The following HLTF variants were observed in gnomAD, a reference collection of about 807,000 sequenced individuals.
HLTF encodes DNA-dependent ATPase/E3 ubiquitin-protein ligase HLTF.
A neutral mutation model predicts 129.4 loss-of-function variants in HLTF; 127 were observed. The observed-to-expected ratio is 0.98, with a 90% CI of 0.85 to 1.14. The LOEUF is 1.14. Among genes scored for constraint, HLTF ranks in the 50% most tolerant of loss-of-function variants. The probability of loss-of-function intolerance (pLI) is 0.00; values close to 1 mark genes in which losing one functional copy is unlikely to be tolerated. For synonymous variants in HLTF, 332 were observed against 388.8 expected, an observed-to-expected ratio of 0.85 and a Z score of 1.72; for missense variants, 1,139 against 1,187.1, an observed-to-expected ratio of 0.96 and a Z score of 0.60.
Position 149,034,956 on chromosome 3 carries a change from G to C in HLTF, c.2839C>G (p.His947Asp). ...ACTTCTTGCTTCTGACCAAGTCTAT[G>C]GCATCTGTCAAAGCACTGATCTTCA... is the stretch of plus-strand genomic sequence containing the variant. ...AAEDQCFDRC[H>D]RLGQKQEVII... is the part of the protein sequence containing the mutation. Residue 947 changes from histidine (H) to aspartate (D), a missense_variant, in exon 24 of 25, where the codon CAT becomes GAT. Physicochemically the swap from His to Asp is moderately conservative, Grantham distance 81. Coordinates refer to ENST00000310053, the MANE Select transcript of HLTF (RefSeq NM_003071.4). 6.2e-7 allele frequency: 1 copy of C among 1,613,850 alleles called. No homozygotes were observed. Among genetic ancestry groups the C allele is most frequent in the Admixed American group, 1.7e-5 (1 of 60,024 alleles).
intron 23 of HLTF, among the ~76,000 whole-genome samples, chr3:149,036,297 G>GTTTTTTTGTTTT (rs1715618770): frequency 1.9e-5 from 2 of 107,982 alleles, no homozygotes; most frequent in Non-Finnish European, 1.8e-5. Flanking sequence ...AAACTATGAG[G>GTTTTTTTGTTTT]TTTTTTTTTT....
At position 149,042,182 on chromosome 3, in the gene HLTF, A is replaced by G. The variant is rs2107968426; in HGVS notation, c.2181T>C (p.Ser727=). Residue 727 remains serine, a synonymous_variant, in exon 19 of 25, where the codon TCT becomes TCC. Transcript: ENST00000310053. ...TTTACCTACCTGAGGGGCCATTGGAAGACACTGCATTTGTAAGAAGGTAAG... is the reference window on the plus strand; with the variant it reads ...TTTACCTACCTGAGGGGCCATTGGAGGACACTGCATTTGTAAGAAGGTAAG... ...CHTYLLTNAV[S]SNGPSGNDTP... is the part of the protein sequence containing the mutation. The G allele has an allele frequency of 6.2e-7, 1 of 1,613,260 alleles. No homozygotes were observed.
chr3:149,081,876 T>C (rs929766148), intron 2 of HLTF, among the ~76,000 whole-genome samples: 5 of 152,174 alleles, frequency 3.3e-5, no homozygotes, highest in Admixed American at 3.3e-4. Flanking sequence ...CCTTCAGGAA[T>C]AGGAGTTCTG....
intron 1 of HLTF, among the ~76,000 whole-genome samples, chr3:149,085,573 T>C (rs760289095): frequency 2.0e-5 from 3 of 152,158 alleles, no homozygotes; most frequent in Non-Finnish European, 4.4e-5. Context: ...AATACAACTA[T>C]TAATGTACCA....
intron 18 of HLTF, among the ~76,000 whole-genome samples, chr3:149,044,074 G>A (rs1409862482): frequency 6.6e-6 from 1 of 152,060 alleles, no homozygotes; most frequent in Admixed American, 6.6e-5. Context: ...GAGTTAATCT[G>A]TCCTGTCACT....
chr3:149,079,041 T>C (rs963192180), intron 2 of HLTF, among the ~76,000 whole-genome samples: 17 of 151,496 alleles, frequency 1.1e-4, no homozygotes. Flanking sequence ...ATAAGAAAAA[T>C]CAGCGAAGCT....
At chr3:149,040,244 CTG>C in intron 20 of HLTF, 88 bp from the exon 21 acceptor site, 1 of 1,100,814 alleles carries the variant, frequency 9.1e-7, no homozygotes, top group Non-Finnish European at 1.3e-6. Context: ...ATGCTAAAAT[CTG>C]TATCTCTCAT....
intron 2 of HLTF, among the ~76,000 whole-genome samples, chr3:149,082,293 C>A (rs1406701145): frequency 1.3e-5 from 2 of 152,058 alleles, no homozygotes; most frequent in Non-Finnish European, 2.9e-5. Context: ...CCCGTCTCTA[C>A]CAAAAATACA....
chr3:149,086,502 G>A lies in HLTF; in HGVS notation c.-166C>T, dbSNP rs1410882380. ...AGGTAAGTCGCCGCGAGTCCAGTCA[G>A]ACGTCGACGCCGTCTCCTTCTGCAA... On this transcript the variant is annotated 5_prime_UTR_variant, in exon 1 of 25. Coordinates refer to ENST00000310053, the MANE Select transcript of HLTF (RefSeq NM_003071.4). 2 of 682,964 alleles carry A rather than the reference G, an allele frequency of 2.9e-6. No homozygotes were observed. The highest frequency in any genetic ancestry group is 1.8e-5 in the African/African-American group (1 of 55,382). 42.3% of individuals were successfully genotyped at this position (682,964 alleles called of 1,614,324 possible). A position where few individuals can be genotyped will look rare whatever the true frequency, so the allele number is the denominator to read the frequency against.
At chr3:149,060,124 T>C (rs775130766) in intron 12 of HLTF, among the ~76,000 whole-genome samples, 1 of 152,174 alleles carries the variant, frequency 6.6e-6, no homozygotes, top group Non-Finnish European at 1.5e-5. Context: ...TGATTCCTAA[T>C]GATAAGGCTG....
In HLTF at chr3:149,068,227, A is replaced by T. The variant is rs1718566568; in HGVS notation, c.990+13T>A. 8.5e-7 allele frequency: 1 copy of T among 1,175,432 alleles called. No homozygotes were observed. The highest frequency in any genetic ancestry group is 1.2e-6 in the Non-Finnish European group (1 of 807,338). 72.8% of individuals were successfully genotyped at this position (1,175,432 alleles called of 1,614,324 possible). A position where few individuals can be genotyped will look rare whatever the true frequency, so the allele number is the denominator to read the frequency against. On this transcript the variant is annotated intron_variant, in intron 8 of 24. Transcript: ENST00000310053. Reference sequence around the variant, plus strand: ...TGGAGGTTTCACATAAAGCGCACTTACTACTACTTTACCTTCTTCAGTAGA... The same window carrying T: ...TGGAGGTTTCACATAAAGCGCACTTTCTACTACTTTACCTTCTTCAGTAGA...
At chr3:149,082,591 GT>G (rs1236608089) in intron 2 of HLTF, among the ~76,000 whole-genome samples, 1 of 152,174 alleles carries the variant, frequency 6.6e-6, no homozygotes, top group Non-Finnish European at 1.5e-5. Flanking sequence ...TGGGGTAGTA[GT>G]TATCAGGTAT....
intron 23 of HLTF, among the ~76,000 whole-genome samples, chr3:149,036,455 A>G (rs1371626466): frequency 6.6e-6 from 1 of 151,576 alleles, no homozygotes; most frequent in East Asian, 2.0e-4. Context: ...TGCCCCGCTA[A>G]TTTTTGTATT....
intron 2 of HLTF, among the ~76,000 whole-genome samples, chr3:149,077,733 G>A (rs906285272): frequency 2.6e-5 from 4 of 151,728 alleles, no homozygotes; most frequent in Admixed American, 2.0e-4. Context: ...GGCCCTAAAC[G>A]CTCACCTTTG....
intron 2 of HLTF, among the ~76,000 whole-genome samples, chr3:149,082,682 GA>G (rs960283839): frequency 6.1e-4 from 92 of 151,632 alleles, no homozygotes; most frequent in African/African-American, 1.5e-3. Flanking sequence ...CAATAAAGTA[GA>G]AAAAAAATTA....
At chr3:149,062,809 C>CA (rs994151655) in intron 10 of HLTF, among the ~76,000 whole-genome samples, 17 of 151,186 alleles carry the variant, frequency 1.1e-4, no homozygotes, top group Admixed American at 2.0e-4. Context: ...TCTAAAATCT[C>CA]AAAAAAAAGC....
At chr3:149,043,763 C>A (rs1159010929) in intron 18 of HLTF, among the ~76,000 whole-genome samples, 1 of 152,166 alleles carries the variant, frequency 6.6e-6, no homozygotes, top group African/African-American at 2.4e-5. Flanking sequence ...GAATTCAAAA[C>A]CTGGCTGTGC....
chr3:149,040,146 T>G lies in HLTF; in HGVS notation c.2387A>C (p.Lys796Thr). ...TATATCATTTCTGCATAAAGGGCAT[T>G]TAGCATGTGGCTATATAAGAAAGAA... ...QVIQNEQPHA[K>T]CPLCRNDIHE... Residue 796 changes from lysine to threonine, a missense_variant, in exon 21 of 25, where the codon AAA becomes ACA. Lys to Thr is a moderately conservative substitution (Grantham distance 78). Coordinates refer to ENST00000310053, the MANE Select transcript of HLTF (RefSeq NM_003071.4). 6.2e-7 allele frequency: 1 copy of G among 1,607,218 alleles called. No individual in the cohort carries two copies. The highest frequency in any genetic ancestry group is 8.5e-7 in the Non-Finnish European group (1 of 1,177,890).
At chr3:149,063,327 T>C in intron 10 of HLTF, 104 bp downstream of exon 10, 2 of 742,298 alleles carry the variant, frequency 2.7e-6, no homozygotes, top group Non-Finnish European at 4.8e-6. Context: ...CCCAAAGTGC[T>C]GGGATTACAG....
Sources: allele counts gnomAD v4.1 joint callset (sites outside exome capture counted in the v4.1 genomes callset), GRCh38; gene constraint gnomAD v4.1.1; transcripts MANE v1.5; gene names NCBI Gene and HGNC (gene_info 2026-07-23, HGNC 2026-07-21).